Variants in KITLG observed in about 807,000 individuals in gnomAD.
KITLG encodes the protein KIT ligand, also known as c-Kit ligand.
KITLG carries 13 observed loss-of-function variants against 34.1 expected under a neutral mutation model. The ratio of observed to expected loss-of-function variants is 0.38; its 90% CI spans 0.25 to 0.61. The LOEUF (loss-of-function observed/expected upper bound fraction) is 0.61, where lower values mean the gene tolerates loss of function less well. KITLG is among the 20% of genes least tolerant of loss of function. The probability of loss-of-function intolerance (pLI) is 0.60; values close to 1 mark genes in which losing one functional copy is unlikely to be tolerated. For synonymous variants in KITLG, 110 were observed against 104.0 expected (o/e 1.06, Z -0.35); for missense variants, 292 against 318.9 (o/e 0.92, Z 0.64).
chr12:88,547,946 A>AT (rs1378242383), intron 1 of KITLG, among the ~76,000 whole-genome samples: 1 of 152,232 alleles, frequency 6.6e-6, no homozygotes, highest in Non-Finnish European at 1.5e-5. Context: ...ATCAACAAAC[A>AT]TAAGTAACTA....
At chr12:88,561,400 C>T (rs1237390061) in intron 1 of KITLG, among the ~76,000 whole-genome samples, 1 of 152,104 alleles carries the variant, frequency 6.6e-6, no homozygotes, top group African/African-American at 2.4e-5. Context: ...TTCCCAGTCC[C>T]CTATTTCCAC....
At chr12:88,555,566 A>G (rs1249652903) in intron 1 of KITLG, among the ~76,000 whole-genome samples, 1 of 152,318 alleles carries the variant, frequency 6.6e-6, no homozygotes, top group African/African-American at 2.4e-5. Flanking sequence ...CATGTTACAG[A>G]AGGCATATAG....
At chr12:88,547,633 C>A (rs188947819) in intron 1 of KITLG, among the ~76,000 whole-genome samples, 31 of 152,232 alleles carry the variant, frequency 2.0e-4, no homozygotes, top group Admixed American at 1.9e-3. Context: ...ACGTAACCTC[C>A]CTGGAAATAT....
At position 88,546,627 on chromosome 12, in the gene KITLG, T is replaced by G. The variant is rs572421060; in HGVS notation, c.16-762A>C. Among the ~76,000 whole-genome samples, 27 of 152,338 alleles carry G rather than the reference T, an allele frequency of 1.8e-4. No individual in the cohort carries two copies. In the South Asian group the frequency reaches 5.2e-3, roughly 29 times the overall value. On this transcript the variant is annotated intron_variant, in intron 1 of 9. Coordinates refer to ENST00000644744, the MANE Select transcript of KITLG (RefSeq NM_000899.5). Reference sequence around the variant, plus strand: ...AGTTTCAAGAACTTGTGCAACTGATTTATCTTTGTAGTATCTTCACAACAC... The same window carrying G: ...AGTTTCAAGAACTTGTGCAACTGATGTATCTTTGTAGTATCTTCACAACAC...
chr12:88,508,173 C>T (rs1401239194), intron 6 of KITLG, among the ~76,000 whole-genome samples: 2 of 151,040 alleles, frequency 1.3e-5, no homozygotes, highest in Non-Finnish European at 2.9e-5. Flanking sequence ...GGCAACAGAG[C>T]AAGACTCTGT....
chr12:88,541,684 C>A (rs1325644312), intron 2 of KITLG, among the ~76,000 whole-genome samples: 1 of 152,030 alleles, frequency 6.6e-6, no homozygotes, highest in East Asian at 1.9e-4. Context: ...ACAAATGTTG[C>A]AACATTTTTT....
At chr12:88,571,689 G>A (rs2120985337) in intron 1 of KITLG, among the ~76,000 whole-genome samples, 1 of 152,290 alleles carries the variant, frequency 6.6e-6, no homozygotes, top group South Asian at 2.1e-4. Flanking sequence ...GCAGTTGGCA[G>A]GAGCCACTCT....
intron 9 of KITLG, among the ~76,000 whole-genome samples, chr12:88,501,099 C>CGG (rs1868839691): frequency 1.3e-5 from 2 of 152,232 alleles, no homozygotes; most frequent in East Asian, 3.9e-4. Flanking sequence ...CTAGGTGCAA[C>CGG]TTTTTTTGTT....
chr12:88,543,759 G>A (rs952119389), intron 2 of KITLG, among the ~76,000 whole-genome samples: 2 of 152,108 alleles, frequency 1.3e-5, no homozygotes, highest in African/African-American at 4.8e-5. Context: ...TGGGTATTAA[G>A]ATAACATACA....
At chr12:88,534,969 T>C (rs1870254903) in intron 2 of KITLG, among the ~76,000 whole-genome samples, 1 of 152,132 alleles carries the variant, frequency 6.6e-6, no homozygotes, top group South Asian at 2.1e-4. Flanking sequence ...ATTAAAGGCA[T>C]TCCAGATAGA....
At chr12:88,536,535 C>T (rs921060101) in intron 2 of KITLG, among the ~76,000 whole-genome samples, 8 of 152,110 alleles carry the variant, frequency 5.3e-5, no homozygotes, top group African/African-American at 1.7e-4. Flanking sequence ...CACATTCACA[C>T]GTATGTTTAT....
At chr12:88,503,183 T>G (rs956812324) in intron 9 of KITLG, among the ~76,000 whole-genome samples, 3 of 152,210 alleles carry the variant, frequency 2.0e-5, no homozygotes, top group Admixed American at 6.5e-5. Flanking sequence ...AATAAAGTAT[T>G]ACAGTGTTAG....
chr12:88,500,498 A>G (rs922544038), intron 9 of KITLG, among the ~76,000 whole-genome samples: 2 of 152,226 alleles, frequency 1.3e-5, no homozygotes, highest in Admixed American at 6.5e-5. Context: ...AGTTATATTA[A>G]GCTTTGCATC....
At chr12:88,555,045 T>C (rs905407260) in intron 1 of KITLG, among the ~76,000 whole-genome samples, 6 of 152,104 alleles carry the variant, frequency 3.9e-5, no homozygotes, top group South Asian at 2.1e-4. Context: ...TGGGTGATCA[T>C]TAAAATATGT....
At chr12:88,526,804 G>A (rs1869885282) in intron 3 of KITLG, among the ~76,000 whole-genome samples, 1 of 151,570 alleles carries the variant, frequency 6.6e-6, no homozygotes, top group South Asian at 2.1e-4. Context: ...GCAAGGAACT[G>A]GTAACGATAA....
At chr12:88,516,252 A>T in intron 5 of KITLG, 82 bp downstream of exon 5, 1 of 1,184,934 alleles carries the variant, frequency 8.4e-7, no homozygotes, top group Non-Finnish European at 1.3e-6. Context: ...GCTACAGCTT[A>T]ACACAGAGGT....
At chr12:88,528,143 A>G (rs1361707092) in intron 3 of KITLG, among the ~76,000 whole-genome samples, 1 of 151,978 alleles carries the variant, frequency 6.6e-6, no homozygotes, top group Non-Finnish European at 1.5e-5. Flanking sequence ...AGGAAAAATC[A>G]TTTTCTTTGC....
At chr12:88,558,587 G>T (rs1210953222) in intron 1 of KITLG, among the ~76,000 whole-genome samples, 1 of 152,196 alleles carries the variant, frequency 6.6e-6, no homozygotes, top group Non-Finnish European at 1.5e-5. Flanking sequence ...CTGTTAAAAT[G>T]TTCCTTCTTT....
chr12:88,567,912 G>A (rs774524119), intron 1 of KITLG, among the ~76,000 whole-genome samples: 40 of 152,200 alleles, frequency 2.6e-4, no homozygotes, highest in Admixed American at 8.5e-4. Flanking sequence ...CCAGATTTAT[G>A]AGTCTCCAAA....
Sources: allele counts gnomAD v4.1 joint callset (sites outside exome capture counted in the v4.1 genomes callset), GRCh38; gene constraint gnomAD v4.1.1; transcripts MANE v1.5; gene names NCBI Gene and HGNC (gene_info 2026-07-23, HGNC 2026-07-21).